CLDN16: variants seen among roughly 807,000 people sequenced by gnomAD.
CLDN16 encodes the protein claudin 16.
CLDN16 carries 13 observed loss-of-function variants against 24.6 expected under a neutral mutation model. That is an observed-to-expected ratio of 0.53 (90% CI 0.34 to 0.84). CLDN16 has a LOEUF of 0.84. CLDN16 is among the 40% of genes least tolerant of loss of function. CLDN16 has a pLI of 0.01. For synonymous variants in CLDN16, 116 were observed against 106.7 expected, an observed-to-expected ratio of 1.09 and a Z score of -0.54; for missense variants, 298 against 292.7, an observed-to-expected ratio of 1.02 and a Z score of -0.13.
chr3:190,358,142 T>C (rs1717815485), intron 1 of CLDN16, among the ~76,000 whole-genome samples: 1 of 151,952 alleles, frequency 6.6e-6, no homozygotes, highest in South Asian at 2.1e-4. Context: ...CTTTCCTTTT[T>C]ATGTTTCTTC....
the CLDN16 span, among the ~76,000 whole-genome samples, chr3:190,299,272 T>C: frequency 6.6e-6 from 1 of 151,906 alleles, no homozygotes; most frequent in Non-Finnish European, 1.5e-5. Flanking sequence ...TGAATTTAGC[T>C]TTTTTTTCCA....
At chr3:190,340,032 T>C (rs927188211) in intron 1 of CLDN16, among the ~76,000 whole-genome samples, 4 of 152,222 alleles carry the variant, frequency 2.6e-5, no homozygotes, top group African/African-American at 7.2e-5. Flanking sequence ...GTTGGTGATA[T>C]ATCATATTAA....
chr3:190,363,088 C>T (rs1001029623), intron 1 of CLDN16, among the ~76,000 whole-genome samples: 2 of 151,916 alleles, frequency 1.3e-5, no homozygotes, highest in Non-Finnish European at 2.9e-5. Context: ...ACATCAATTA[C>T]AACCATTCGA....
chr3:190,323,003 T>TACACAC (rs147722582), intron 1 of CLDN16, among the ~76,000 whole-genome samples: 3,883 of 144,560 alleles, frequency 0.027, 87 homozygotes, highest in African/African-American at 0.061. Flanking sequence ...CAACATGATT[T>TACACAC]ACACACACAC....
chr3:190,397,441 T>G (rs971541539), intron 1 of CLDN16, among the ~76,000 whole-genome samples: 1 of 152,202 alleles, frequency 6.6e-6, no homozygotes, highest in Non-Finnish European at 1.5e-5. Context: ...AACTATGATA[T>G]TTGAAACATC....
chr3:190,399,380 C>T (rs984278028), intron 1 of CLDN16, among the ~76,000 whole-genome samples: 16 of 151,582 alleles, frequency 1.1e-4, no homozygotes, highest in East Asian at 1.9e-4. Flanking sequence ...GGCGTGGTGG[C>T]GCATGCCTGT....
At chr3:190,322,203 CCATGACTCGCTCGGGCG>C, upstream of CLDN16, 1 of 1,613,528 alleles carries the variant, frequency 6.2e-7, no homozygotes, top group Non-Finnish European at 8.5e-7. Context: ...CCCGCGTTGG[CCATGACTCGCTCGGGCG>C]CCCGCGCTGG....
intron 1 of CLDN16, among the ~76,000 whole-genome samples, chr3:190,327,810 G>A (rs890611141): frequency 5.9e-5 from 9 of 152,168 alleles, no homozygotes; most frequent in Admixed American, 2.0e-4. Flanking sequence ...GGTAACTAAC[G>A]GAATTAGTGA....
At chr3:190,385,119 G>C (rs770339906), upstream of CLDN16, among the ~76,000 whole-genome samples, 6 of 152,242 alleles carry the variant, frequency 3.9e-5, no homozygotes, top group Non-Finnish European at 7.4e-5. Flanking sequence ...TGTGTCCCAA[G>C]AGAAAGTACT....
rs139014984 is a variant in CLDN16 at position 190,402,222 on chromosome 3, A to G, written c.115-115A>G. 54 of 798,454 alleles carry G rather than the reference A, an allele frequency of 6.8e-5. 1 individual carries two copies. The East Asian group carries it at 1.3e-3, about 19-fold the overall frequency. The allele number at this position is 798,454 out of a possible 1,614,324, so 49.5% of individuals were successfully genotyped here. ...TTGTTGTAAATGAAGTTCTGATCAC[A>G]TGTGTAACCACTTACTTTGCTATCA... On this transcript the variant is annotated intron_variant, in intron 1 of 4. Transcript: ENST00000264734.
chr3:190,339,909 T>C (rs1008370893), intron 1 of CLDN16, among the ~76,000 whole-genome samples: 1 of 152,092 alleles, frequency 6.6e-6, no homozygotes, highest in Non-Finnish European at 1.5e-5. Flanking sequence ...GACACAAAAG[T>C]CAGCAGTTAA....
intron 1 of CLDN16, among the ~76,000 whole-genome samples, chr3:190,366,438 T>C (rs920658031): frequency 1.4e-4 from 22 of 151,908 alleles, no homozygotes; most frequent in Admixed American, 1.3e-3. Context: ...AAAATCCCAT[T>C]TTAAAGATTG....
chr3:190,382,452 G>T (rs1057162196), intron 3 of CLDN16, among the ~76,000 whole-genome samples: 1 of 152,106 alleles, frequency 6.6e-6, no homozygotes, highest in Admixed American at 6.6e-5. Context: ...ACTATTTTCA[G>T]GGCCTCATGC....
chr3:190,397,205 A>G (rs1230209176), intron 1 of CLDN16, among the ~76,000 whole-genome samples: 2 of 152,190 alleles, frequency 1.3e-5, no homozygotes, highest in East Asian at 3.8e-4. Flanking sequence ...TGTACCTTAA[A>G]TAAACCTACC....
At chr3:190,400,308 G>C (rs1198775948) in intron 1 of CLDN16, among the ~76,000 whole-genome samples, 6 of 151,856 alleles carry the variant, frequency 4.0e-5, no homozygotes, top group Non-Finnish European at 8.8e-5. Context: ...GCGCGATCTC[G>C]GCTCACTGCA....
chr3:190,396,819 T>G (rs1718832382), intron 1 of CLDN16, among the ~76,000 whole-genome samples: 1 of 151,966 alleles, frequency 6.6e-6, no homozygotes. Flanking sequence ...ACAGAAGTCT[T>G]TAAAATGGGG....
intron 1 of CLDN16, among the ~76,000 whole-genome samples, chr3:190,346,151 G>A (rs1239383238): frequency 6.6e-6 from 1 of 152,032 alleles, no homozygotes; most frequent in African/African-American, 2.4e-5. Flanking sequence ...AATTTACACC[G>A]AGACCGAAGG....
At chr3:190,333,655 T>G (rs1276805152) in intron 1 of CLDN16, among the ~76,000 whole-genome samples, 2 of 152,158 alleles carry the variant, frequency 1.3e-5, no homozygotes, top group African/African-American at 4.8e-5. Context: ...CAGCCCATTG[T>G]GCATGCCACA....
the CLDN16 span, chr3:190,308,139 T>A: frequency 2.9e-6 from 3 of 1,051,218 alleles, no homozygotes. Context: ...ACACATGGGT[T>A]TTTTGTTTGT....
Sources: gnomAD v4.1 joint callset for allele counts (sites outside exome capture counted in the v4.1 genomes callset) on GRCh38, gnomAD v4.1.1 for gene constraint, MANE v1.5 for transcripts, NCBI Gene and HGNC (gene_info 2026-07-23, HGNC 2026-07-21) for gene names.